Variants in GAGE10 observed in about 807,000 individuals in gnomAD.
GAGE10 encodes G antigen 10.
In GAGE10, 9 loss-of-function variants were observed where a neutral mutation model predicts 11.5. The observed-to-expected ratio is 0.78, with a 90% confidence interval of 0.47 to 1.37. The LOEUF (loss-of-function observed/expected upper bound fraction) is 1.37, where lower values mean the gene tolerates loss of function less well. Ranked by LOEUF, GAGE10 falls within the 40% of genes most tolerant of loss-of-function variation. GAGE10 has a pLI of 0.00. For synonymous variants in GAGE10, 23 were observed against 29.7 expected, an observed-to-expected ratio of 0.77 and a Z score of 0.73; for missense variants, 83 against 92.9, an observed-to-expected ratio of 0.89 and a Z score of 0.44.
At chrX:49,316,370 T>A (rs1489677581) in intron 3 of GAGE10, among the ~76,000 whole-genome samples, 2 of 112,059 alleles carry the variant, frequency 1.8e-5, no homozygotes, top group Non-Finnish European at 3.8e-5. Context: ...GTAATACGCT[T>A]CCCCTGCACA....
In GAGE10 at chrX:49,304,855, G is replaced by C; in HGVS notation, c.-5G>C. On this transcript the variant is annotated 5_prime_UTR_variant, in exon 2 of 5. Transcript: ENST00000407599. ...AATCACGGTTGTCTGTTTTCAGTGT[G>C]AAATATGAGTTGGCGAGGAAGATCG... 1 of 1,205,129 alleles carries C rather than the reference G, an allele frequency of 8.3e-7. No homozygotes were observed. Among genetic ancestry groups the C allele is most frequent in the Middle Eastern group, 3.0e-4 (1 of 3,384 alleles).
chrX:49,312,388 A>C (rs1192545646), intron 3 of GAGE10, among the ~76,000 whole-genome samples: 1 of 113,235 alleles, frequency 8.8e-6, no homozygotes, highest in African/African-American at 3.2e-5. Flanking sequence ...CTGCATGCCC[A>C]TGGGGCAATA....
In GAGE10 at chrX:49,307,427, A is replaced by G. The variant is rs1482946140; in HGVS notation, c.202+1903A>G. Among the ~76,000 whole-genome samples the G allele has an allele frequency of 1.1e-4, 12 of 111,812 alleles. No individual in the cohort carries two copies. In the Admixed American group the frequency reaches 1.1e-3, roughly 11 times the overall value. On this transcript the variant is annotated intron_variant, in intron 3 of 4. Coordinates refer to ENST00000407599, the MANE Select transcript of GAGE10 (RefSeq NM_001098413.4). ...ATGAGAAAATGCAGTCATTTATTAC[A>G]CAGTGTATACTCAAATTTCGCCAGT...
intron 3 of GAGE10, among the ~76,000 whole-genome samples, chrX:49,306,875 T>C (rs2066359083): frequency 8.9e-6 from 1 of 111,853 alleles, no homozygotes; most frequent in Admixed American, 9.5e-5. Flanking sequence ...AAAGGTTTCA[T>C]GGTATAGGAA....
In GAGE10 at chrX:49,304,909, T is replaced by C. The variant is rs1557123886; in HGVS notation, c.50T>C (p.Val17Ala). The C allele has an allele frequency of 1.5e-5, 18 of 1,208,973 alleles. No homozygotes were observed. Among genetic ancestry groups the C allele is most frequent in the Non-Finnish European group, 1.9e-5 (17 of 893,042 alleles). ...TATCGGCCTAGACCAAGACGCTACGTAGAGCCCCCTGAAATGATTGGGCCT... is the reference window on the plus strand; with the variant it reads ...TATCGGCCTAGACCAAGACGCTACGCAGAGCCCCCTGAAATGATTGGGCCT... ...STYRPRPRRY[V>A]EPPEMIGPML... The change falls in exon 2 of 5, where the codon GTA becomes GCA. Residue 17 changes from valine (V) to alanine (A), a missense_variant. Physicochemically the swap from Val to Ala is moderately conservative, Grantham distance 64. Transcript: ENST00000407599.
intron 4 of GAGE10, among the ~76,000 whole-genome samples, chrX:49,317,717 T>C (rs1456270057): frequency 9.0e-6 from 1 of 111,342 alleles, no homozygotes; most frequent in Non-Finnish European, 1.9e-5. Flanking sequence ...TATATGAAGG[T>C]TATTTGAAAC....
chrX:49,312,214 C>G (rs782741333), intron 3 of GAGE10, among the ~76,000 whole-genome samples: 1 of 112,233 alleles, frequency 8.9e-6, no homozygotes, highest in East Asian at 2.8e-4. Flanking sequence ...GTGTGATATG[C>G]AGGGTATGCA....
intron 3 of GAGE10, among the ~76,000 whole-genome samples, chrX:49,310,759 C>T (rs2066374017): frequency 9.1e-6 from 1 of 110,495 alleles, no homozygotes; most frequent in Non-Finnish European, 1.9e-5. Context: ...GATTAGCCCC[C>T]CCCCACAAAG....
At chrX:49,310,834 G>T in intron 3 of GAGE10, among the ~76,000 whole-genome samples, 1 of 111,591 alleles carries the variant, frequency 9.0e-6, no homozygotes, top group East Asian at 2.8e-4. Context: ...AAATCCAGGA[G>T]ATGTATTATT....
chrX:49,309,546 C>T (rs1364043448), intron 3 of GAGE10, among the ~76,000 whole-genome samples: 2 of 112,138 alleles, frequency 1.8e-5, no homozygotes, highest in Admixed American at 9.4e-5. Context: ...CTGACGGCTA[C>T]AGAGTTAAAG....
At chrX:49,307,715 T>G (rs2066362550) in intron 3 of GAGE10, among the ~76,000 whole-genome samples, 1 of 112,258 alleles carries the variant, frequency 8.9e-6, no homozygotes, top group African/African-American at 3.2e-5. Context: ...AGGCTGGTCT[T>G]GAACTTCTGA....
chrX:49,316,218 T>C (rs2066391087), intron 3 of GAGE10, among the ~76,000 whole-genome samples: 1 of 112,185 alleles, frequency 8.9e-6, no homozygotes, highest in South Asian at 3.7e-4. Context: ...TTCCCAGGCA[T>C]TGTGAAGACT....
intron 3 of GAGE10, among the ~76,000 whole-genome samples, chrX:49,310,762 C>G (rs1392780089): frequency 8.1e-5 from 9 of 110,601 alleles, no homozygotes; most frequent in Non-Finnish European, 1.5e-4. Flanking sequence ...TAGCCCCCCC[C>G]CACAAAGAAC....
chrX:49,310,117 C>T (rs1331298933), intron 3 of GAGE10, among the ~76,000 whole-genome samples: 1 of 112,200 alleles, frequency 8.9e-6, no homozygotes, highest in Admixed American at 9.4e-5. Context: ...GTGTACACTC[C>T]GTTTAACCCC....
intron 3 of GAGE10, among the ~76,000 whole-genome samples, chrX:49,314,365 G>A (rs782381447): frequency 4.4e-5 from 5 of 112,546 alleles, no homozygotes; most frequent in African/African-American, 1.6e-4. Context: ...CATCTGTATG[G>A]AGAACCACAA....
intron 3 of GAGE10, among the ~76,000 whole-genome samples, chrX:49,310,785 G>A (rs1484270417): frequency 1.3e-4 from 14 of 110,895 alleles, no homozygotes; most frequent in African/African-American, 3.6e-4. Flanking sequence ...TGCTACTATC[G>A]TAGGGGGTAC....
At chrX:49,311,318 G>A (rs1338706083) in intron 3 of GAGE10, among the ~76,000 whole-genome samples, 1 of 112,503 alleles carries the variant, frequency 8.9e-6, no homozygotes, top group Non-Finnish European at 1.9e-5. Context: ...TCTGCTGCCT[G>A]TGCGCAAGCC....
rs1218297486 is a variant in GAGE10, at chrX:49,308,417, C to A, written c.202+2893C>A. 3.6e-5 allele frequency among the ~76,000 whole-genome samples: 4 copies of A among 112,060 alleles called. No individual in the cohort carries two copies. The Admixed American group carries it at 3.8e-4, about 11-fold the overall frequency. Reference sequence around the variant, plus strand: ...GATGGAGACTGGCTCTCCCGGCATCCCAGTGGCCTAGCTGGCTGCACAACG... The same window carrying A: ...GATGGAGACTGGCTCTCCCGGCATCACAGTGGCCTAGCTGGCTGCACAACG... On this transcript the variant is annotated intron_variant, in intron 3 of 4. Coordinates refer to ENST00000407599, the MANE Select transcript of GAGE10 (RefSeq NM_001098413.4).
At chrX:49,310,261 G>A (rs1557124573) in intron 3 of GAGE10, among the ~76,000 whole-genome samples, 1 of 111,593 alleles carries the variant, frequency 9.0e-6, no homozygotes, top group Non-Finnish European at 1.9e-5. Flanking sequence ...TGGCTACCAA[G>A]GTGTACATTA....
Sources: allele counts gnomAD v4.1 joint callset (sites outside exome capture counted in the v4.1 genomes callset), GRCh38; gene constraint gnomAD v4.1.1; transcripts MANE v1.5; gene names NCBI Gene and HGNC (gene_info 2026-07-23, HGNC 2026-07-21).